The following FHOD3 variants were observed in gnomAD, a reference collection of about 807,000 sequenced individuals.
FHOD3 encodes FH1/FH2 domain-containing protein 3.
In FHOD3, 90 loss-of-function variants were observed where a neutral mutation model predicts 173.0. The ratio of observed to expected loss-of-function variants is 0.52; its 90% CI spans 0.44 to 0.62. The LOEUF (loss-of-function observed/expected upper bound fraction) is 0.62. FHOD3 is among the 20% of genes least tolerant of loss of function. FHOD3 has a pLI of 0.00. For synonymous variants in FHOD3, 828 were observed against 823.0 expected (o/e 1.01, Z -0.10); for missense variants, 1,945 against 2,034.7 (o/e 0.96, Z 0.85).
intron 6 of FHOD3, among the ~76,000 whole-genome samples, chr18:36,580,755 A>G (rs1200877712): frequency 1.3e-5 from 2 of 152,260 alleles, no homozygotes; most frequent in Non-Finnish European, 2.9e-5. Flanking sequence ...AGGAGGCCTC[A>G]GTCTCCTCCT....
intron 18 of FHOD3, among the ~76,000 whole-genome samples, chr18:36,713,131 A>G (rs1305469199): frequency 6.6e-6 from 1 of 152,232 alleles, no homozygotes; most frequent in Non-Finnish European, 1.5e-5. Context: ...GAGGTTCTCC[A>G]AACAGAAATA....
At position 36,617,386 on chromosome 18, in the gene FHOD3, C is replaced by G. The variant is rs116007344; in HGVS notation, c.957+5291C>G. Reference sequence around the variant, plus strand: ...TTATAAATGGAATCGTATCTTTTGACTCTTTGTAGAATATGCCCTTTTGCT... The same window carrying G: ...TTATAAATGGAATCGTATCTTTTGAGTCTTTGTAGAATATGCCCTTTTGCT... On this transcript the variant is annotated intron_variant, in intron 9 of 28. Coordinates refer to ENST00000590592, the MANE Select transcript of FHOD3 (RefSeq NM_001281740.3). 2.0e-3 allele frequency among the ~76,000 whole-genome samples: 309 copies of G among 152,258 alleles called. 1 individual carries two copies. Among genetic ancestry groups the G allele is most frequent in the African/African-American group, 6.8e-3 (283 of 41,530 alleles).
At chr18:36,494,525 C>T (rs554110187) in intron 3 of FHOD3, among the ~76,000 whole-genome samples, 22 of 152,198 alleles carry the variant, frequency 1.4e-4, no homozygotes, top group African/African-American at 4.8e-4. Context: ...AATTTGGAAG[C>T]GGTGGGAGAA....
intron 1 of FHOD3, among the ~76,000 whole-genome samples, chr18:36,325,631 G>A (rs923413768): frequency 5.3e-5 from 8 of 152,168 alleles, no homozygotes; most frequent in African/African-American, 1.9e-4. Context: ...TGGTGCTAGC[G>A]GTGGGCAGGG....
At chr18:36,645,282 T>C (rs1027619053) in intron 10 of FHOD3, among the ~76,000 whole-genome samples, 1 of 152,122 alleles carries the variant, frequency 6.6e-6, no homozygotes, top group African/African-American at 2.4e-5. Flanking sequence ...TATTCATCCA[T>C]GGTGGCATAT....
intron 2 of FHOD3, among the ~76,000 whole-genome samples, chr18:36,360,475 T>TG (rs1014252460): frequency 9.2e-5 from 14 of 152,236 alleles, no homozygotes; most frequent in Non-Finnish European, 1.5e-4. Flanking sequence ...CCTCCAACCC[T>TG]GGGCCCATGT....
At chr18:36,362,240 C>T (rs567424364) in intron 2 of FHOD3, among the ~76,000 whole-genome samples, 10 of 152,216 alleles carry the variant, frequency 6.6e-5, no homozygotes, top group Admixed American at 2.6e-4. Flanking sequence ...GCCTAATGAA[C>T]CTAAACCTGG....
chr18:36,616,345 T>A (rs2033198765), intron 9 of FHOD3, among the ~76,000 whole-genome samples: 1 of 152,138 alleles, frequency 6.6e-6, no homozygotes, highest in South Asian at 2.1e-4. Context: ...TGCGGATGAA[T>A]TGCCCATCAG....
chr18:36,528,243 C>T (rs1433751053), intron 5 of FHOD3, among the ~76,000 whole-genome samples: 2 of 152,186 alleles, frequency 1.3e-5, no homozygotes, highest in Admixed American at 6.5e-5. Flanking sequence ...GAAAGCCCCA[C>T]AAGATAAGAT....
intron 7 of FHOD3, among the ~76,000 whole-genome samples, chr18:36,598,690 C>T (rs2030881770): frequency 6.6e-6 from 1 of 152,110 alleles, no homozygotes. Context: ...AGTTGCACTA[C>T]AGGCACCCGC....
At chr18:36,571,166 AACAAAG>A (rs1275596484) in intron 5 of FHOD3, among the ~76,000 whole-genome samples, 1 of 152,230 alleles carries the variant, frequency 6.6e-6, no homozygotes, top group Non-Finnish European at 1.5e-5. Flanking sequence ...ATTAATGTTT[AACAAAG>A]TTATAGGATA....
chr18:36,693,367 C>T lies in FHOD3; in HGVS notation c.2180C>T (p.Ser727Phe). 1.2e-6 allele frequency: 2 copies of T among 1,613,958 alleles called. No individual in the cohort carries two copies. The highest frequency in any genetic ancestry group is 1.7e-6 in the Non-Finnish European group (2 of 1,179,876). ...AGCCATAGCCCCTCATCTTCAGACT[C>T]TCAAGAGGCTCTCACGGTGTCTGCC... is the stretch of plus-strand genomic sequence containing the variant. The part of the protein sequence containing the change: ...PLSHSPSSSD[S>F]QEALTVSASS... Residue 727 changes from serine (S) to phenylalanine (F), a missense_variant, in exon 17 of 29, where the codon TCT becomes TTT. By Grantham distance (155) the Ser-to-Phe change is radical. Transcript: ENST00000590592.
intron 19 of FHOD3, among the ~76,000 whole-genome samples, chr18:36,724,800 C>G (rs538014417): frequency 6.6e-6 from 1 of 152,322 alleles, no homozygotes; most frequent in African/African-American, 2.4e-5. Context: ...TGTCTTTCCT[C>G]CAGGGGAGAA....
intron 1 of FHOD3, among the ~76,000 whole-genome samples, chr18:36,346,542 C>A (rs1002514677): frequency 6.6e-6 from 1 of 152,218 alleles, no homozygotes; most frequent in African/African-American, 2.4e-5. Flanking sequence ...ATGTTGGACA[C>A]CACCATATCC....
At chr18:36,746,378 T>C (rs2042157660) in intron 23 of FHOD3, among the ~76,000 whole-genome samples, 1 of 152,234 alleles carries the variant, frequency 6.6e-6, no homozygotes, top group Non-Finnish European at 1.5e-5. Flanking sequence ...TTATGTTCAA[T>C]GCCTGGCTTA....
chr18:36,703,843 C>G (rs1040287527), intron 17 of FHOD3, among the ~76,000 whole-genome samples: 3 of 152,180 alleles, frequency 2.0e-5, no homozygotes, highest in Non-Finnish European at 4.4e-5. Context: ...GACGGGGCAG[C>G]CTTTATATTC....
chr18:36,338,561 G>T, intron 1 of FHOD3, among the ~76,000 whole-genome samples: 2 of 152,322 alleles, frequency 1.3e-5, no homozygotes, highest in Middle Eastern at 3.4e-3. Flanking sequence ...TAGATAACAG[G>T]CTGGCCCAAT....
At chr18:36,433,905 T>C (rs1411798046) in intron 3 of FHOD3, among the ~76,000 whole-genome samples, 1 of 152,174 alleles carries the variant, frequency 6.6e-6, no homozygotes, top group Non-Finnish European at 1.5e-5. Flanking sequence ...TTTAGACAAA[T>C]GTATAGACCC....
chr18:36,697,139 A>T (rs1389611889), intron 17 of FHOD3, among the ~76,000 whole-genome samples: 2 of 152,236 alleles, frequency 1.3e-5, no homozygotes, highest in African/African-American at 4.8e-5. Flanking sequence ...AGTAAAGTCA[A>T]GATAGCCAGA....
Sources: gnomAD v4.1 joint callset for allele counts (sites outside exome capture counted in the v4.1 genomes callset) on GRCh38, gnomAD v4.1.1 for gene constraint, MANE v1.5 for transcripts, NCBI Gene and HGNC (gene_info 2026-07-23, HGNC 2026-07-21) for gene names.